The following LSAMP variants were observed in gnomAD, a reference collection of about 807,000 sequenced individuals.
The protein encoded by LSAMP is limbic system-associated membrane protein.
Under a neutral mutation model 38.6 loss-of-function variants are expected in LSAMP, and 7 were observed. The ratio of observed to expected loss-of-function variants is 0.18; its 90% CI spans 0.10 to 0.34. The LOEUF is 0.34. Among genes scored for constraint, LSAMP ranks in the 10% least tolerant of loss-of-function variants. The probability of loss-of-function intolerance (pLI) is 1.00; values close to 1 mark genes in which losing one functional copy is unlikely to be tolerated. For synonymous variants in LSAMP, 154 were observed against 166.8 expected, an observed-to-expected ratio of 0.92 and a Z score of 0.59; for missense variants, 313 against 420.0, an observed-to-expected ratio of 0.75 and a Z score of 2.23.
intron 3 of LSAMP, among the ~76,000 whole-genome samples, chr3:115,956,433 T>C (rs139795521): frequency 4.4e-4 from 67 of 152,090 alleles, no homozygotes; most frequent in Non-Finnish European, 8.2e-4. Flanking sequence ...CATGGCAGAT[T>C]GACACAACTG....
intron 3 of LSAMP, among the ~76,000 whole-genome samples, chr3:115,942,231 GT>G (rs1335283814): frequency 1.3e-5 from 2 of 152,164 alleles, no homozygotes; most frequent in Non-Finnish European, 2.9e-5. Flanking sequence ...AACAAATGTA[GT>G]GTCTCTTTTG....
intron 3 of LSAMP, among the ~76,000 whole-genome samples, chr3:115,881,698 G>A (rs1282245472): frequency 1.3e-5 from 2 of 152,088 alleles, no homozygotes; most frequent in Non-Finnish European, 2.9e-5. Context: ...TGTTGAATAA[G>A]ATTCATTGCC....
At chr3:115,850,853 C>T (rs887657390) in intron 4 of LSAMP, among the ~76,000 whole-genome samples, 21 of 152,278 alleles carry the variant, frequency 1.4e-4, no homozygotes, top group East Asian at 3.9e-4. Flanking sequence ...TAAACTTTAG[C>T]GAGTTTCCTC....
chr3:116,002,138 G>A (rs561736619), intron 3 of LSAMP, among the ~76,000 whole-genome samples: 1 of 152,250 alleles, frequency 6.6e-6, no homozygotes, highest in East Asian at 1.9e-4. Context: ...TCACACAGAA[G>A]CTCTGCTAAT....
At chr3:115,963,019 C>T (rs910966036) in intron 3 of LSAMP, among the ~76,000 whole-genome samples, 2 of 152,074 alleles carry the variant, frequency 1.3e-5, no homozygotes, top group African/African-American at 4.8e-5. Context: ...TACTACTGAG[C>T]GATAGGATGA....
chr3:115,923,688 A>T (rs905981729), intron 3 of LSAMP, among the ~76,000 whole-genome samples: 1 of 152,168 alleles, frequency 6.6e-6, no homozygotes, highest in Non-Finnish European at 1.5e-5. Flanking sequence ...TCCTGAATAC[A>T]CTACACTTCC....
chr3:115,833,525 T>A (rs933414473), intron 6 of LSAMP, among the ~76,000 whole-genome samples: 4 of 152,174 alleles, frequency 2.6e-5, no homozygotes, highest in Non-Finnish European at 5.9e-5. Flanking sequence ...TATTTGCATA[T>A]GTGAATGCAT....
chr3:116,287,392 C>T (rs2047208977), intron 1 of LSAMP, among the ~76,000 whole-genome samples: 1 of 152,064 alleles, frequency 6.6e-6, no homozygotes, highest in Non-Finnish European at 1.5e-5. Context: ...CACACAAATC[C>T]CTCTGTCCAA....
intron 1 of LSAMP, among the ~76,000 whole-genome samples, chr3:116,150,243 C>T (rs757669012): frequency 6.6e-5 from 10 of 152,008 alleles, no homozygotes; most frequent in Non-Finnish European, 1.5e-4. Flanking sequence ...CTAGGGTTTA[C>T]TTAAGTCACC....
At chr3:115,903,491 A>G (rs1475410235) in intron 3 of LSAMP, among the ~76,000 whole-genome samples, 3 of 152,164 alleles carry the variant, frequency 2.0e-5, no homozygotes, top group Non-Finnish European at 4.4e-5. Context: ...AATTTAAAAT[A>G]AAAGTTTCAA....
intron 1 of LSAMP, among the ~76,000 whole-genome samples, chr3:116,206,299 T>C (rs905328541): frequency 4.0e-5 from 6 of 150,010 alleles, no homozygotes; most frequent in African/African-American, 1.5e-4. Context: ...TCTCTTTTTT[T>C]CTTTATTAGT....
intron 2 of LSAMP, among the ~76,000 whole-genome samples, chr3:116,057,965 A>ACACACACC (rs1941521216): frequency 1.1e-5 from 1 of 90,860 alleles, no homozygotes; most frequent in African/African-American, 3.5e-5. Flanking sequence ...ACCCACACAC[A>ACACACACC]CACACACACA....
intron 3 of LSAMP, among the ~76,000 whole-genome samples, chr3:115,994,834 G>C (rs745947943): frequency 5.9e-5 from 9 of 152,070 alleles, no homozygotes; most frequent in Non-Finnish European, 1.0e-4. Flanking sequence ...ATTCTACATG[G>C]ATAGAGATTT....
chr3:115,978,644 A>G (rs140980570), intron 3 of LSAMP, among the ~76,000 whole-genome samples: 2 of 152,114 alleles, frequency 1.3e-5, no homozygotes, highest in African/African-American at 4.8e-5. Flanking sequence ...CAAGGTAACA[A>G]ACAGATCCCA....
intron 1 of LSAMP, among the ~76,000 whole-genome samples, chr3:116,441,894 T>C (rs1450993264): frequency 6.6e-6 from 1 of 152,238 alleles, no homozygotes; most frequent in East Asian, 1.9e-4. Context: ...CTTTGATTCT[T>C]TGTCCCTGGG....
chr3:116,108,288 C>T (rs1708514363), intron 1 of LSAMP, among the ~76,000 whole-genome samples: 1 of 151,104 alleles, frequency 6.6e-6, no homozygotes, highest in Non-Finnish European at 1.5e-5. Flanking sequence ...AGTATCTCGG[C>T]CTAATAAGGG....
intron 3 of LSAMP, among the ~76,000 whole-genome samples, chr3:115,941,616 A>G (rs9843157): frequency 0.71 from 107,347 of 152,032 alleles, 39,360 homozygotes; most frequent in South Asian, 0.82. Flanking sequence ...TTATTCAGCT[A>G]ATAAAAAAGA....
intron 1 of LSAMP, among the ~76,000 whole-genome samples, chr3:116,209,818 C>T (rs967663605): frequency 6.6e-6 from 1 of 152,146 alleles, no homozygotes; most frequent in Non-Finnish European, 1.5e-5. Flanking sequence ...GTGGCACGAT[C>T]TCCGCTCACT....
intron 1 of LSAMP, among the ~76,000 whole-genome samples, chr3:116,293,337 A>C (rs1442037954): frequency 6.6e-6 from 1 of 152,174 alleles, no homozygotes; most frequent in African/African-American, 2.4e-5. Context: ...AAACCTAAAA[A>C]CTTTGCAAAT....
Sources: allele counts gnomAD v4.1 joint callset (sites outside exome capture counted in the v4.1 genomes callset), GRCh38; gene constraint gnomAD v4.1.1; transcripts MANE v1.5; gene names NCBI Gene and HGNC (gene_info 2026-07-23, HGNC 2026-07-21).